The following MIA2 variants were observed in gnomAD, a reference collection of about 807,000 sequenced individuals.
MIA2 encodes melanoma inhibitory activity protein 2.
A neutral mutation model predicts 167.8 loss-of-function variants in MIA2; 127 were observed. The observed-to-expected ratio is 0.76, with a 90% CI of 0.66 to 0.88. MIA2 has a LOEUF of 0.88. MIA2 is among the 40% of genes least tolerant of loss of function. MIA2 has a pLI of 0.00. For missense variants in MIA2, 1,690 were observed against 1,624.7 expected, an observed-to-expected ratio of 1.04 and a Z score of -0.69; for synonymous variants, 552 against 541.9, an observed-to-expected ratio of 1.02 and a Z score of -0.26.
chr14:39,270,492 C>A (rs1364674151), intron 6 of MIA2, among the ~76,000 whole-genome samples: 1 of 152,042 alleles, frequency 6.6e-6, no homozygotes, highest in Non-Finnish European at 1.5e-5. Flanking sequence ...AGTCCCCCCA[C>A]CCGGCTTTAC....
intron 25 of MIA2, among the ~76,000 whole-genome samples, chr14:39,339,383 A>T (rs1429057423): frequency 6.6e-6 from 1 of 152,204 alleles, no homozygotes; most frequent in African/African-American, 2.4e-5. Context: ...AGGTTGGGAT[A>T]TATAGTTTGA....
At chr14:39,309,298 TC>T (rs1349342702) in intron 18 of MIA2, among the ~76,000 whole-genome samples, 1 of 152,198 alleles carries the variant, frequency 6.6e-6, no homozygotes, top group Non-Finnish European at 1.5e-5. Flanking sequence ...GTGCTCAAAA[TC>T]CCTGAGTGCC....
At chr14:39,254,262 T>C (rs2054715353) in intron 6 of MIA2, among the ~76,000 whole-genome samples, 1 of 152,246 alleles carries the variant, frequency 6.6e-6, no homozygotes, top group Non-Finnish European at 1.5e-5. Context: ...TGGGAGAGAA[T>C]ATGGCACTTT....
chr14:39,333,651 CG>C (rs745824908), intron 25 of MIA2, among the ~76,000 whole-genome samples: 52 of 152,290 alleles, frequency 3.4e-4, no homozygotes, highest in Non-Finnish European at 6.8e-4. Flanking sequence ...ACCCCATACC[CG>C]GTTGTTACTC....
intron 9 of MIA2, among the ~76,000 whole-genome samples, chr14:39,289,552 T>C (rs2060443929): frequency 6.6e-6 from 1 of 152,192 alleles, no homozygotes; most frequent in Admixed American, 6.5e-5. Flanking sequence ...TAATTTCCTT[T>C]TGCTGCTGTA....
At chr14:39,351,223 A>T (rs1595924445), downstream of MIA2, 3 of 152,208 alleles carry the variant, frequency 2.0e-5, no homozygotes, top group Middle Eastern at 0.01. Flanking sequence ...TTAGTATTAG[A>T]CTTTTTTTTC....
chr14:39,306,292 G>A (rs2063329961), intron 17 of MIA2, among the ~76,000 whole-genome samples: 1 of 152,204 alleles, frequency 6.6e-6, no homozygotes, highest in Admixed American at 6.5e-5. Flanking sequence ...AGTTTGTAAA[G>A]AAAAGAGGTT....
intron 23 of MIA2, among the ~76,000 whole-genome samples, chr14:39,364,821 T>G (rs550391903): frequency 2.0e-5 from 3 of 151,330 alleles, no homozygotes; most frequent in Admixed American, 6.6e-5. Context: ...AATCTGTGGT[T>G]ATTTTGATGG....
At chr14:39,355,829 G>C (rs911444347), downstream of MIA2, among the ~76,000 whole-genome samples, 3 of 152,086 alleles carry the variant, frequency 2.0e-5, no homozygotes, top group Non-Finnish European at 2.9e-5. Context: ...TTTTGTCGTT[G>C]GTTCTGTTTA....
At chr14:39,333,686 T>C (rs2069508109) in intron 25 of MIA2, among the ~76,000 whole-genome samples, 1 of 152,196 alleles carries the variant, frequency 6.6e-6, no homozygotes. Flanking sequence ...AGCTCTCTCT[T>C]CTTTTCTAAG....
At position 39,348,105 on chromosome 14, in the gene MIA2, G is replaced by A. The variant is rs769677462; in HGVS notation, c.3837+334G>A. ...TGGTATTACAGGTGTGAGCTGCTGCGCCTGGCCCTGAGCCACTGTGCCTGG... is the reference window on the plus strand; with the variant it reads ...TGGTATTACAGGTGTGAGCTGCTGCACCTGGCCCTGAGCCACTGTGCCTGG... On this transcript the variant is annotated intron_variant, in intron 27 of 28. Transcript: ENST00000640607. Among the ~76,000 whole-genome samples, 61 of 152,144 alleles carry A rather than the reference G, an allele frequency of 4.0e-4. 2 individuals carry two copies. The highest frequency in any genetic ancestry group is 2.3e-3 in the Admixed American group (35 of 15,276).
intron 23 of MIA2, among the ~76,000 whole-genome samples, chr14:39,365,194 T>A (rs2074792760): frequency 6.6e-6 from 1 of 152,160 alleles, no homozygotes; most frequent in African/African-American, 2.4e-5. Context: ...GCTCCCCAAG[T>A]AGCTGGGATT....
intron 9 of MIA2, among the ~76,000 whole-genome samples, chr14:39,286,076 T>C (rs546339719): frequency 6.6e-6 from 1 of 152,142 alleles, no homozygotes; most frequent in Non-Finnish European, 1.5e-5. Flanking sequence ...CTCAGCACTT[T>C]GGGAGGCCAA....
chr14:39,387,348 A>G (rs529168881), exon 24 of MIA2: 25 of 164,090 alleles, frequency 1.5e-4, no homozygotes, highest in African/African-American at 6.0e-4. Context: ...AGTCCATTCC[A>G]TGGAATCCAT....
rs1420928004 is a variant in MIA2 at position 39,346,148 on chromosome 14, C to T, written c.3778+122C>T. 9 of 755,184 alleles carry T rather than the reference C, an allele frequency of 1.2e-5. No individual in the cohort carries two copies. In the South Asian group the frequency reaches 1.5e-4, roughly 12 times the overall value. The allele number at this position is 755,184 out of a possible 1,614,324, so 46.8% of individuals were successfully genotyped here. On this transcript the variant is annotated intron_variant, in intron 26 of 28. Transcript: ENST00000640607. ...TAGTTCCTAAGGCCAAAATCTCTTT[C>T]CTGAAAATGTCCTGGTTTTATGTTT...
At chr14:39,257,690 A>G (rs1482239696) in intron 6 of MIA2, among the ~76,000 whole-genome samples, 2 of 151,978 alleles carry the variant, frequency 1.3e-5, no homozygotes, top group Non-Finnish European at 2.9e-5. Context: ...ATTAGTCTTT[A>G]TATTTTGGTG....
intron 2 of MIA2, among the ~76,000 whole-genome samples, chr14:39,238,811 A>AAAAAAAAAAAAACAAAAAC: frequency 2.9e-5 from 3 of 103,608 alleles, no homozygotes; most frequent in African/African-American, 1.2e-4. Flanking sequence ...AAAAAAAAAA[A>AAAAAAAAAAAAACAAAAAC]CCCAAAAAAC....
chr14:39,325,832 G>T (rs1429320600), intron 24 of MIA2, among the ~76,000 whole-genome samples: 1 of 151,786 alleles, frequency 6.6e-6, no homozygotes, highest in African/African-American at 2.4e-5. Context: ...TTCTGCCTCA[G>T]CCTCCCTAGT....
intron 13 of MIA2, among the ~76,000 whole-genome samples, chr14:39,298,121 A>T (rs923990281): frequency 6.6e-6 from 1 of 152,010 alleles, no homozygotes; most frequent in African/African-American, 2.4e-5. Context: ...ACCCTGTGTT[A>T]AATTTGCCAT....
Sources: allele counts gnomAD v4.1 joint callset (sites outside exome capture counted in the v4.1 genomes callset), GRCh38; gene constraint gnomAD v4.1.1; transcripts MANE v1.5; gene names NCBI Gene and HGNC (gene_info 2026-07-23, HGNC 2026-07-21).